CAMTA1: variants seen among roughly 807,000 people sequenced by gnomAD.
The protein encoded by CAMTA1 is calmodulin-binding transcription activator 1.
In CAMTA1, 27 loss-of-function variants were observed where a neutral mutation model predicts 170.9. That is an observed-to-expected ratio of 0.16 (90% CI 0.12 to 0.22). CAMTA1 has a LOEUF of 0.22. CAMTA1 is among the 10% of genes least tolerant of loss of function. CAMTA1 has a pLI of 1.00. For missense variants in CAMTA1, 1,619 were observed against 2,217.2 expected (o/e 0.73, Z 5.42); for synonymous variants, 833 against 891.5 (o/e 0.93, Z 1.17).
At chr1:7,373,841 G>C (rs1026364073) in intron 5 of CAMTA1, among the ~76,000 whole-genome samples, 1 of 152,190 alleles carries the variant, frequency 6.6e-6, no homozygotes, top group African/African-American at 2.4e-5. Flanking sequence ...ATAAAAGGCA[G>C]CATTTTCAGC....
chr1:7,360,458 C>T (rs1413969320), intron 5 of CAMTA1, among the ~76,000 whole-genome samples: 2 of 152,222 alleles, frequency 1.3e-5, no homozygotes, highest in African/African-American at 4.8e-5. Context: ...CTACCATTCA[C>T]CAGCAGGTGA....
At chr1:7,483,533 C>T (rs555352551) in intron 6 of CAMTA1, among the ~76,000 whole-genome samples, 1 of 152,322 alleles carries the variant, frequency 6.6e-6, no homozygotes, top group African/African-American at 2.4e-5. Flanking sequence ...CCTTCCTTTC[C>T]TGGGGAGAAC....
chr1:7,408,646 AG>A (rs2149246004), intron 5 of CAMTA1, among the ~76,000 whole-genome samples: 1 of 152,336 alleles, frequency 6.6e-6, no homozygotes, highest in South Asian at 2.1e-4. Flanking sequence ...TGATGGTGCC[AG>A]GTGGGCATGC....
In CAMTA1 at chr1:7,586,219, C is replaced by T. The variant is rs1001941102; in HGVS notation, c.511-54181C>T. Among the ~76,000 whole-genome samples, 66 of 152,242 alleles carry T rather than the reference C, an allele frequency of 4.3e-4. 2 individuals carry two copies. The highest frequency in any genetic ancestry group is 1.6e-3 in the African/African-American group (66 of 41,486). On this transcript the variant is annotated intron_variant, in intron 6 of 22. Coordinates refer to ENST00000303635, the MANE Select transcript of CAMTA1 (RefSeq NM_015215.4). ...GCGGCCCCTCCCTGCAGCTGCATCT[C>T]AGGGCCCAGCGGTGGGGATCCGCAC...
intron 3 of CAMTA1, among the ~76,000 whole-genome samples, chr1:7,057,352 A>G (rs563974726): frequency 6.6e-6 from 1 of 152,308 alleles, no homozygotes; most frequent in South Asian, 2.1e-4. Context: ...CGCAGCCAGA[A>G]CAGGGTTTTT....
At chr1:7,714,375 A>G (rs929691644) in intron 11 of CAMTA1, among the ~76,000 whole-genome samples, 10 of 152,322 alleles carry the variant, frequency 6.6e-5, no homozygotes, top group South Asian at 4.1e-4. Flanking sequence ...AGCATCCGAG[A>G]GCTGTGAAGT....
chr1:7,088,327 C>T (rs986838839), intron 3 of CAMTA1, among the ~76,000 whole-genome samples: 8 of 152,092 alleles, frequency 5.3e-5, no homozygotes, highest in Non-Finnish European at 1.2e-4. Context: ...CCTGGGACCT[C>T]TGCTTGCTTG....
intron 6 of CAMTA1, among the ~76,000 whole-genome samples, chr1:7,637,799 C>T (rs942663763): frequency 1.3e-5 from 2 of 152,160 alleles, no homozygotes; most frequent in African/African-American, 4.8e-5. Flanking sequence ...CTGCCCTACC[C>T]TGCCCAGCCC....
rs894244196 is a variant in CAMTA1, at chr1:7,635,324, C to T, written c.511-5076C>T. 4.6e-5 allele frequency among the ~76,000 whole-genome samples: 7 copies of T among 152,106 alleles called. No homozygotes were observed. The highest frequency in any genetic ancestry group is 1.7e-4 in the African/African-American group (7 of 41,408). On this transcript the variant is annotated intron_variant, in intron 6 of 22. Transcript: ENST00000303635. This position sits in a 1 kb window ranked among gnomAD's most constrained non-coding sequence, Gnocchi z 4.4. Reference sequence around the variant, plus strand: ...CCACAACTGTCCAGAATCAAGGATCCGGGCCGGGCGTGGTGGCTCACGCCT... The same window carrying T: ...CCACAACTGTCCAGAATCAAGGATCTGGGCCGGGCGTGGTGGCTCACGCCT...
At chr1:6,811,474 T>C (rs1645157024) in intron 1 of CAMTA1, among the ~76,000 whole-genome samples, 1 of 152,210 alleles carries the variant, frequency 6.6e-6, no homozygotes, top group African/African-American at 2.4e-5. Flanking sequence ...CAAATCCTTG[T>C]GTCCCATTTT....
intron 7 of CAMTA1, among the ~76,000 whole-genome samples, chr1:7,648,391 C>CA (rs553719319): frequency 0.017 from 1,906 of 112,696 alleles, 16 homozygotes; most frequent in South Asian, 0.039. Flanking sequence ...GACTCCACCT[C>CA]AAAAAAAAAA....
chr1:7,194,598 G>A (rs146767931), intron 4 of CAMTA1, among the ~76,000 whole-genome samples: 6 of 152,206 alleles, frequency 3.9e-5, no homozygotes, highest in Non-Finnish European at 8.8e-5. Context: ...TTATTGTGGT[G>A]AGCGTTACAT....
chr1:7,013,653 G>A (rs1700136103), intron 3 of CAMTA1, among the ~76,000 whole-genome samples: 1 of 152,184 alleles, frequency 6.6e-6, no homozygotes, highest in South Asian at 2.1e-4. Context: ...CAGAGGTGGA[G>A]TCAGGGATGG....
chr1:7,750,761 A>C (rs1013662802), intron 19 of CAMTA1, among the ~76,000 whole-genome samples: 10 of 152,250 alleles, frequency 6.6e-5, no homozygotes, highest in Non-Finnish European at 1.0e-4. Flanking sequence ...ATGATAGTTA[A>C]AAATCAGAGG....
In CAMTA1 at chr1:7,141,563, G is replaced by A. The variant is rs114684903; in HGVS notation, c.302+50192G>A. 7.4e-3 allele frequency among the ~76,000 whole-genome samples: 1,131 copies of A among 152,278 alleles called. 16 individuals carry two copies. Among genetic ancestry groups the A allele is most frequent in the African/African-American group, 0.026 (1,064 of 41,560 alleles). On this transcript the variant is annotated intron_variant, in intron 4 of 22. Transcript: ENST00000303635. ...ACATAGAAGGGCACACTAGGTGCAG[G>A]GATTCCCCAGGGCTGGCTCTAGGTG...
chr1:7,734,012 A>G (rs925033921), intron 12 of CAMTA1, among the ~76,000 whole-genome samples: 1 of 152,156 alleles, frequency 6.6e-6, no homozygotes, highest in Non-Finnish European at 1.5e-5. Flanking sequence ...CAGTGACACA[A>G]TCTTGGCTCA....
Position 6,903,692 on chromosome 1 carries a change from C to T in CAMTA1, c.234+78482C>T, listed in dbSNP as rs541106516. Reference sequence around the variant, plus strand: ...GACCTGTCTTTATTTACCAGTTCACCATCTGTAGAACCTCAGTGTTACGAA... The same window carrying T: ...GACCTGTCTTTATTTACCAGTTCACTATCTGTAGAACCTCAGTGTTACGAA... On this transcript the variant is annotated intron_variant, in intron 3 of 22. Transcript: ENST00000303635. Among the ~76,000 whole-genome samples, 3 of 152,312 alleles carry T rather than the reference C, an allele frequency of 2.0e-5. No individual in the cohort carries two copies. In the East Asian group the frequency reaches 5.8e-4, roughly 29 times the overall value.
chr1:7,537,105 C>T (rs1222482034), intron 6 of CAMTA1, among the ~76,000 whole-genome samples: 2 of 152,184 alleles, frequency 1.3e-5, no homozygotes, highest in Non-Finnish European at 2.9e-5. Flanking sequence ...TGGGCTACAG[C>T]GGGCGCCTCC....
chr1:7,623,312 T>G (rs1019533697), intron 6 of CAMTA1, among the ~76,000 whole-genome samples: 1 of 152,158 alleles, frequency 6.6e-6, no homozygotes, highest in African/African-American at 2.4e-5. Flanking sequence ...ATGAACACCC[T>G]GCAAAGCAAG....
Sources: allele counts gnomAD v4.1 joint callset (sites outside exome capture counted in the v4.1 genomes callset), GRCh38; gene constraint gnomAD v4.1.1; non-coding constraint Gnocchi (gnomAD v3.1); transcripts MANE v1.5; gene names NCBI Gene and HGNC (gene_info 2026-07-23, HGNC 2026-07-21).